Variants in MAP3K10 observed in about 807,000 individuals in gnomAD.
MAP3K10 encodes mitogen-activated protein kinase kinase kinase 10.
MAP3K10 carries 22 observed loss-of-function variants against 75.0 expected under a neutral mutation model. That is an observed-to-expected ratio of 0.29 (90% CI 0.21 to 0.42). MAP3K10 has a LOEUF of 0.42. Ranked by LOEUF, MAP3K10 falls within the 10% of genes least tolerant of loss-of-function variation. MAP3K10 has a pLI of 1.00. For missense variants in MAP3K10, 1,165 were observed against 1,379.8 expected, an observed-to-expected ratio of 0.84 and a Z score of 2.47; for synonymous variants, 599 against 612.9, an observed-to-expected ratio of 0.98 and a Z score of 0.34.
At chr19:40,196,023 A>G (rs1972898390) in intron 1 of MAP3K10, among the ~76,000 whole-genome samples, 1 of 152,188 alleles carries the variant, frequency 6.6e-6, no homozygotes, top group Non-Finnish European at 1.5e-5. Context: ...TAACACTTTT[A>G]AAGGCCCTAT....
intron 1 of MAP3K10, among the ~76,000 whole-genome samples, chr19:40,195,054 C>T (rs1157935467): frequency 6.6e-6 from 1 of 152,138 alleles, no homozygotes; most frequent in Non-Finnish European, 1.5e-5. Context: ...GGCACATGCC[C>T]TGAGGTGGGA....
chr19:40,206,087 C>A lies in MAP3K10; in HGVS notation c.1365C>A (p.Arg455=), dbSNP rs1231072779. ...LSQEKPRVRK[R]KGNFKRSRLL... is the part of the protein sequence containing the mutation. ...AGGAGAAGCCCCGGGTCCGCAAGCGCAAGGGCAACTTCAAGCGCAGCCGCC... is the reference window on the plus strand; with the variant it reads ...AGGAGAAGCCCCGGGTCCGCAAGCGAAAGGGCAACTTCAAGCGCAGCCGCC... The change falls in exon 5 of 10, where the codon CGC becomes CGA. Residue 455 remains arginine (R), a synonymous_variant. Transcript: ENST00000253055. The A allele has an allele frequency of 1.2e-6, 2 of 1,613,420 alleles. No individual in the cohort carries two copies. Among genetic ancestry groups the A allele is most frequent in the South Asian group, 2.2e-5 (2 of 91,032 alleles).
In MAP3K10 at chr19:40,204,426, G is replaced by T. The variant is rs1973077390; in HGVS notation, c.864-59G>T. 3 of 1,572,808 alleles carry T rather than the reference G, an allele frequency of 1.9e-6. No individual in the cohort carries two copies. ...CTGCATGGGACCAAGGGCAGGGCTG[G>T]GTATAGGTGAGGATTGGGGTGGGCT... On this transcript the variant is annotated intron_variant, in intron 2 of 9. Transcript: ENST00000253055. This position sits in a 1 kb window ranked among gnomAD's most constrained non-coding sequence, Gnocchi z 4.3.
Position 40,213,405 on chromosome 19 carries a change from C to G in MAP3K10, c.1838-112C>G. ...TGGAGACAGATTCAAGAACGATGCT[C>G]GTGGGTCTTGGTCTTGCTGTTGGAG... On this transcript the variant is annotated intron_variant, in intron 8 of 9. Transcript: ENST00000253055. The surrounding 1 kb of genome is among the most constrained non-coding windows in gnomAD (Gnocchi z 5.7). 5.3e-6 allele frequency: 8 copies of G among 1,496,632 alleles called. No homozygotes were observed. The highest frequency in any genetic ancestry group is 2.5e-5 in the East Asian group (1 of 40,076). The allele number at this position is 1,496,632 out of a possible 1,614,324, so 92.7% of individuals were successfully genotyped here.
intron 2 of MAP3K10, among the ~76,000 whole-genome samples, chr19:40,200,757 T>G (rs534045247): frequency 4.0e-5 from 6 of 151,774 alleles, no homozygotes; most frequent in Admixed American, 3.9e-4. Flanking sequence ...TAGCTGAGAT[T>G]ATAGGCATGC....
chr19:40,206,617 G>A (rs1376085764), intron 5 of MAP3K10, among the ~76,000 whole-genome samples: 1 of 151,824 alleles, frequency 6.6e-6, no homozygotes, highest in East Asian at 1.9e-4. Flanking sequence ...CCAAAAACCT[G>A]TACAGCCAAA....
At chr19:40,210,236 C>T (rs1275614146) in intron 6 of MAP3K10, among the ~76,000 whole-genome samples, 2 of 152,098 alleles carry the variant, frequency 1.3e-5, no homozygotes, top group African/African-American at 2.4e-5. Context: ...CACTGCACTC[C>T]GGCCTGGGCG....
rs763032630 is a variant in MAP3K10 at position 40,204,464 on chromosome 19, C to T, written c.864-21C>T. ...ATTGGGGTGGGCTGCGACATCACCC[C>T]TCCCTCTCCCCTGCCTGCAGCTTCG... On this transcript the variant is annotated intron_variant, in intron 2 of 9. Transcript: ENST00000253055. This position sits in a 1 kb window ranked among gnomAD's most constrained non-coding sequence, Gnocchi z 4.3. 4 of 1,607,098 alleles carry T rather than the reference C, an allele frequency of 2.5e-6. No homozygotes were observed. The highest frequency in any genetic ancestry group is 1.7e-5 in the Admixed American group (1 of 59,840).
chr19:40,209,569 C>T (rs971341130), intron 6 of MAP3K10, among the ~76,000 whole-genome samples: 7 of 151,906 alleles, frequency 4.6e-5, no homozygotes, highest in African/African-American at 1.2e-4. Flanking sequence ...CACATGACCA[C>T]GCCTGCCTAA....
Position 40,198,334 on chromosome 19 carries a change from T to C in MAP3K10, c.683-41T>C. ...GGCCAGAACACTTGGGTCTGCGGCG[T>C]GGCAGGTCTGGGGTGACCCACCTTT... On this transcript the variant is annotated intron_variant, in intron 1 of 9. Coordinates refer to ENST00000253055, the MANE Select transcript of MAP3K10 (RefSeq NM_002446.4). This position sits in a 1 kb window ranked among gnomAD's most constrained non-coding sequence, Gnocchi z 4.3. 1 of 1,573,218 alleles carries C rather than the reference T, an allele frequency of 6.4e-7. No homozygotes were observed. Among genetic ancestry groups the C allele is most frequent in the Non-Finnish European group, 8.6e-7 (1 of 1,156,314 alleles).
intron 2 of MAP3K10, among the ~76,000 whole-genome samples, chr19:40,199,169 G>A (rs1381198819): frequency 3.3e-5 from 5 of 152,314 alleles, no homozygotes; most frequent in East Asian, 3.9e-4. Context: ...CTGTCAGACA[G>A]GAAAATGATT....
intron 9 of MAP3K10, 125 bp from the exon 10 acceptor site, chr19:40,214,845 A>T (rs1973320718): frequency 1.6e-6 from 1 of 613,508 alleles, no homozygotes; most frequent in African/African-American, 1.8e-5. Context: ...TGGAAACTGG[A>T]TGCAGCAAGA....
Position 40,215,141 on chromosome 19 carries a change from G to T in MAP3K10, c.2714G>T (p.Gly905Val). Residue 905 changes from glycine to valine, a missense_variant, in exon 10 of 10, where the codon GGC becomes GTC. Gly to Val is a moderately radical substitution (Grantham distance 109). Coordinates refer to ENST00000253055, the MANE Select transcript of MAP3K10 (RefSeq NM_002446.4). ...GACCCCTGGAAACTGGTCTCCTTCGGCCGGACACTCACCATCTCGCCTCCC... is the reference window on the plus strand; with the variant it reads ...GACCCCTGGAAACTGGTCTCCTTCGTCCGGACACTCACCATCTCGCCTCCC... ...RLDPWKLVSF[G>V]RTLTISPPSR... 2.5e-6 allele frequency: 4 copies of T among 1,610,040 alleles called. No individual in the cohort carries two copies. The highest frequency in any genetic ancestry group is 1.7e-4 in the Middle Eastern group (1 of 6,060).
chr19:40,215,037 GC>G lies in MAP3K10; in HGVS notation c.2615del (p.Pro872LeufsTer10). The part of the protein sequence containing the change: ...PQALFPARRR[P>X]PEFPGRPTTL... ...AGGCCCTGTTCCCAGCCCGCCGCCG[GC>G]CCCCTGAGTTCCCAGGCCGCCCCAC... On this transcript the variant is annotated frameshift_variant, in exon 10 of 10. Coordinates refer to ENST00000253055, the MANE Select transcript of MAP3K10 (RefSeq NM_002446.4). LOFTEE classifies it high-confidence loss of function. 2 of 1,591,428 alleles carry G rather than the reference GC, an allele frequency of 1.3e-6. No individual in the cohort carries two copies. The highest frequency in any genetic ancestry group is 1.7e-6 in the Non-Finnish European group (2 of 1,168,444).
chr19:40,213,658 C>G lies in MAP3K10; in HGVS notation c.1979C>G (p.Pro660Arg). ...TGGGAGCCGACGCCGTCCGCGCCCC[C>G]CGCTCGGTGGGGACACGGCGCCCGG... ...APWEPTPSAP[P>R]ARWGHGARRR... Residue 660 changes from proline to arginine, a missense_variant, in exon 9 of 10, where the codon CCC (proline) becomes CGC (arginine). Physicochemically the swap from Pro to Arg is moderately radical, Grantham distance 103. Around this residue, in one of 2 missense-constraint regions of MAP3K10, gnomAD observed 590 missense variants for 586.6 expected, o/e 1.01. Transcript: ENST00000253055. The surrounding 1 kb of genome is among the most constrained non-coding windows in gnomAD (Gnocchi z 5.7). The G allele has an allele frequency of 3.9e-6, 5 of 1,270,436 alleles. No individual in the cohort carries two copies. The South Asian group carries it at 7.4e-5, about 19-fold the overall frequency. 78.7% of individuals were successfully genotyped at this position (1,270,436 alleles called of 1,614,324 possible). A position where few individuals can be genotyped will look rare whatever the true frequency, so the allele number is the denominator to read the frequency against.
Position 40,213,524 on chromosome 19 carries a change from C to G in MAP3K10, c.1845C>G (p.Phe615Leu), listed in dbSNP as rs755342804. The G allele has an allele frequency of 7.4e-6, 12 of 1,611,842 alleles. No individual in the cohort carries two copies. The East Asian group carries it at 2.2e-4, about 30-fold the overall frequency. The stretch of plus-strand genomic sequence containing the variant: ...GGCCCTCTCCGGTTGCAGAGGAGTT[C>G]GCGGAGGCAGAGGATGGAGGCAGCA... ...GFASLNEMEEFAEAEDGGSSV... is the reference protein window; with the variant it reads ...GFASLNEMEELAEAEDGGSSV... Residue 615 changes from phenylalanine to leucine, a missense_variant, in exon 9 of 10, where the codon TTC becomes TTG. Coordinates refer to ENST00000253055, the MANE Select transcript of MAP3K10 (RefSeq NM_002446.4). The surrounding 1 kb of genome is among the most constrained non-coding windows in gnomAD (Gnocchi z 5.7).
chr19:40,214,072 A>G lies in MAP3K10; in HGVS notation c.2393A>G (p.Glu798Gly), dbSNP rs1599919549. Reference sequence around the variant, plus strand: ...AGCACCAACCCCCTGGTGGACCTGGAGCTGGAGAGCTTCAAGAAGGACCCC... The same window carrying G: ...AGCACCAACCCCCTGGTGGACCTGGGGCTGGAGAGCTTCAAGAAGGACCCC... ...SPSTNPLVDL[E>G]LESFKKDPRQ... The change falls in exon 9 of 10, where the codon GAG (glutamate) becomes GGG (glycine). Residue 798 changes from glutamate (E) to glycine (G), a missense_variant. Around this residue, in one of 2 missense-constraint regions of MAP3K10, gnomAD observed 590 missense variants for 586.6 expected, o/e 1.01. Transcript: ENST00000253055. 7.4e-7 allele frequency: 1 copy of G among 1,344,410 alleles called. No homozygotes were observed. The highest frequency in any genetic ancestry group is 1.6e-5 in the African/African-American group (1 of 63,304). The allele number at this position is 1,344,410 out of a possible 1,614,324, so 83.3% of individuals were successfully genotyped here. A position where few individuals can be genotyped will look rare whatever the true frequency, so the allele number is the denominator to read the frequency against.
chr19:40,198,252 C>T lies in MAP3K10; in HGVS notation c.683-123C>T, dbSNP rs1972948483. 4.5e-6 allele frequency: 4 copies of T among 897,502 alleles called. No homozygotes were observed. Among genetic ancestry groups the T allele is most frequent in the Non-Finnish European group, 6.7e-6 (4 of 597,664 alleles). 55.6% of individuals were successfully genotyped at this position (897,502 alleles called of 1,614,324 possible). On this transcript the variant is annotated intron_variant, in intron 1 of 9. Coordinates refer to ENST00000253055, the MANE Select transcript of MAP3K10 (RefSeq NM_002446.4). The surrounding 1 kb of genome is among the most constrained non-coding windows in gnomAD (Gnocchi z 4.3). ...TTCCAGGCCAGGAAAGGACCTGCCA[C>T]AGAGCGGGGCAGCCTGAGGCAGTGA...
Position 40,192,015 on chromosome 19 carries a change from C to T in MAP3K10, c.-17C>T. On this transcript the variant is annotated 5_prime_UTR_variant, in exon 1 of 10. Transcript: ENST00000253055. This position sits in a 1 kb window ranked among gnomAD's most constrained non-coding sequence, Gnocchi z 7.1. ...GCCTGTGTGAAGCGGCCTCCCGCAG[C>T]CCCCGGCCCCTCCCCCATGGAGGAG... 7.2e-7 allele frequency: 1 copy of T among 1,398,376 alleles called. No individual in the cohort carries two copies. The highest frequency in any genetic ancestry group is 9.3e-7 in the Non-Finnish European group (1 of 1,077,284). The allele number at this position is 1,398,376 out of a possible 1,614,324, so 86.6% of individuals were successfully genotyped here. A position where few individuals can be genotyped will look rare whatever the true frequency, so the allele number is the denominator to read the frequency against.
Sources: gnomAD v4.1 joint callset for allele counts (sites outside exome capture counted in the v4.1 genomes callset) on GRCh38, gnomAD v4.1.1 for gene constraint, gnomAD v4.1.1 regional missense constraint, Gnocchi (gnomAD v3.1) non-coding constraint, MANE v1.5 for transcripts, NCBI Gene and HGNC (gene_info 2026-07-23, HGNC 2026-07-21) for gene names.